Variants in SH3GL2 observed in about 807,000 individuals in gnomAD.
The protein encoded by SH3GL2 is SH3 domain containing GRB2 like 2, endophilin A1.
A neutral mutation model predicts 46.0 loss-of-function variants in SH3GL2; 24 were observed. That is an observed-to-expected ratio of 0.52 (90% CI 0.38 to 0.73). The LOEUF is 0.73. Ranked by LOEUF, SH3GL2 falls within the 30% of genes least tolerant of loss-of-function variation. SH3GL2 has a pLI of 0.00. For synonymous variants in SH3GL2, 196 were observed against 147.1 expected, an observed-to-expected ratio of 1.33 and a Z score of -2.40; for missense variants, 413 against 424.2, an observed-to-expected ratio of 0.97 and a Z score of 0.23.
In SH3GL2 at chr9:17,637,590, T is replaced by G. The variant is rs79155821; in HGVS notation, c.45+58303T>G. On this transcript the variant is annotated intron_variant, in intron 1 of 8. Coordinates refer to ENST00000380607, the MANE Select transcript of SH3GL2 (RefSeq NM_003026.5). ...GGAAATAGTGGCAACAACATTATCT[T>G]TGGACACACAAGTGTGGTTTGAATC... Among the ~76,000 whole-genome samples, 1,097 of 152,350 alleles carry G rather than the reference T, an allele frequency of 7.2e-3. 13 individuals are homozygous for G. The highest frequency in any genetic ancestry group is 0.025 in the African/African-American group (1,029 of 41,570).
chr9:17,750,220 C>A (rs904605479), intron 2 of SH3GL2, among the ~76,000 whole-genome samples: 1 of 151,838 alleles, frequency 6.6e-6, no homozygotes, highest in Non-Finnish European at 1.5e-5. Flanking sequence ...GCTCAGTGTT[C>A]CCAAGCAGAC....
intron 1 of SH3GL2, among the ~76,000 whole-genome samples, chr9:17,632,062 C>G (rs1314204580): frequency 6.6e-6 from 1 of 152,036 alleles, no homozygotes; most frequent in African/African-American, 2.4e-5. Context: ...CTTTCTTAAC[C>G]ACATAAAACA....
intron 1 of SH3GL2, among the ~76,000 whole-genome samples, chr9:17,653,513 G>A (rs1012497172): frequency 2.0e-5 from 3 of 152,074 alleles, no homozygotes; most frequent in Admixed American, 2.0e-4. Context: ...TATTGATGGT[G>A]CTTCTGCTCC....
intron 1 of SH3GL2, among the ~76,000 whole-genome samples, chr9:17,670,710 C>T (rs921563338): frequency 6.6e-6 from 1 of 152,188 alleles, no homozygotes; most frequent in African/African-American, 2.4e-5. Context: ...CATTTGCTTG[C>T]ACCTTTTCTG....
intron 1 of SH3GL2, among the ~76,000 whole-genome samples, chr9:17,660,952 A>C (rs1445235432): frequency 6.6e-6 from 1 of 152,178 alleles, no homozygotes; most frequent in South Asian, 2.1e-4. Flanking sequence ...ACTTGAGGCC[A>C]GGAGTTCGAG....
In SH3GL2 at chr9:17,753,411, G is replaced by A. The variant is rs547594316; in HGVS notation, c.114+6277G>A. Among the ~76,000 whole-genome samples, 15 of 152,160 alleles carry A rather than the reference G, an allele frequency of 9.9e-5. No individual in the cohort carries two copies. In the South Asian group the frequency reaches 3.1e-3, roughly 32 times the overall value. On this transcript the variant is annotated intron_variant, in intron 2 of 8. Transcript: ENST00000380607. ...TTATCTCATTGTGGTTTTGATTTGT[G>A]TTTCTGTAATGATCAGTGATGTTGA...
chr9:17,585,342 A>G (rs555854282), intron 1 of SH3GL2, among the ~76,000 whole-genome samples: 3 of 152,304 alleles, frequency 2.0e-5, no homozygotes, highest in South Asian at 4.2e-4. Context: ...TTAAGGCCAG[A>G]TAGGGGAGAT....
In SH3GL2 at chr9:17,582,692, C is replaced by G. The variant is rs193073847; in HGVS notation, c.45+3405C>G. On this transcript the variant is annotated intron_variant, in intron 1 of 8. Coordinates refer to ENST00000380607, the MANE Select transcript of SH3GL2 (RefSeq NM_003026.5). The stretch of plus-strand genomic sequence containing the variant: ...AGTACTACAAACTGAGTCGTTTCAA[C>G]GACAGAAATACATTGTTTCCCACTT... Among the ~76,000 whole-genome samples the G allele has an allele frequency of 2.3e-3, 344 of 152,282 alleles. 4 individuals carry two copies. Among genetic ancestry groups the G allele is most frequent in the Non-Finnish European group, 1.6e-3 (106 of 68,020 alleles).
rs376747848 is a variant in SH3GL2, at chr9:17,737,040, A to G, written c.46-10026A>G. ...TGCAGCCATAAAAAAGGATGAGTTC[A>G]TGTCCTTTGCGGGGACATAGCCGAA... On this transcript the variant is annotated intron_variant, in intron 1 of 8. Coordinates refer to ENST00000380607, the MANE Select transcript of SH3GL2 (RefSeq NM_003026.5). Among the ~76,000 whole-genome samples, 45 of 152,288 alleles carry G rather than the reference A, an allele frequency of 3.0e-4. 2 individuals carry two copies. The South Asian group carries it at 9.1e-3, about 31-fold the overall frequency.
intron 1 of SH3GL2, among the ~76,000 whole-genome samples, chr9:17,585,215 G>A (rs73418614): frequency 0.033 from 5,095 of 152,194 alleles, 182 homozygotes; most frequent in African/African-American, 0.09. Flanking sequence ...GAGAAGGGCA[G>A]GACACACTGA....
At chr9:17,648,384 G>A (rs1275788934) in intron 1 of SH3GL2, among the ~76,000 whole-genome samples, 4 of 152,192 alleles carry the variant, frequency 2.6e-5, no homozygotes, top group Non-Finnish European at 5.9e-5. Flanking sequence ...AGGTACATAG[G>A]AAGAGTAAAA....
In SH3GL2 at chr9:17,588,926, G is replaced by C. The variant is rs1818428760; in HGVS notation, c.45+9639G>C. On this transcript the variant is annotated intron_variant, in intron 1 of 8. Transcript: ENST00000380607. The stretch of plus-strand genomic sequence containing the variant: ...CCTCTGTGGTACACCTAAGAGAAAT[G>C]GAAGAAGGCAAGTGTAGCCTAGCTA... Among the ~76,000 whole-genome samples, 5 of 152,174 alleles carry C rather than the reference G, an allele frequency of 3.3e-5. No individual in the cohort carries two copies. The South Asian group carries it at 1.0e-3, about 32-fold the overall frequency.
chr9:17,791,028 A>C lies in SH3GL2; in HGVS notation c.625-203A>C, dbSNP rs542396287. Among the ~76,000 whole-genome samples the C allele has an allele frequency of 5.6e-4, 86 of 152,286 alleles. 1 individual carries two copies. Among genetic ancestry groups the C allele is most frequent in the African/African-American group, 1.5e-3 (63 of 41,552 alleles). ...TCATGGTACTGATACGCATGATTCT[A>C]AGCATAAGGATGCTTTCTTTTATCC... On this transcript the variant is annotated intron_variant, in intron 6 of 8. Transcript: ENST00000380607.
At chr9:17,774,972 C>G (rs1358160603) in intron 3 of SH3GL2, among the ~76,000 whole-genome samples, 1 of 152,068 alleles carries the variant, frequency 6.6e-6, no homozygotes, top group Non-Finnish European at 1.5e-5. Flanking sequence ...AATGATAGGT[C>G]TGTTCAGATT....
At chr9:17,707,782 G>A (rs111300940) in intron 1 of SH3GL2, among the ~76,000 whole-genome samples, 1,902 of 152,066 alleles carry the variant, frequency 0.013, 57 homozygotes, top group African/African-American at 0.043. Context: ...TTTAAAGCAC[G>A]GTCCCTTACA....
intron 1 of SH3GL2, among the ~76,000 whole-genome samples, chr9:17,605,706 A>G (rs1028380747): frequency 2.6e-5 from 4 of 152,200 alleles, no homozygotes; most frequent in African/African-American, 9.7e-5. Flanking sequence ...ATGTTTTCAG[A>G]TTTGTGAAAA....
intron 1 of SH3GL2, among the ~76,000 whole-genome samples, chr9:17,601,324 A>C (rs957181232): frequency 3.9e-5 from 6 of 152,072 alleles, no homozygotes; most frequent in Non-Finnish European, 5.9e-5. Flanking sequence ...CACAGGGCTT[A>C]ATGTTGAGAG....
chr9:17,697,334 C>G, intron 1 of SH3GL2, among the ~76,000 whole-genome samples: 1 of 151,822 alleles, frequency 6.6e-6, no homozygotes, highest in Non-Finnish European at 1.5e-5. Context: ...AGGGATTCTT[C>G]TGCCTCAGCC....
At chr9:17,667,605 T>C (rs1015140196) in intron 1 of SH3GL2, among the ~76,000 whole-genome samples, 1 of 152,240 alleles carries the variant, frequency 6.6e-6, no homozygotes, top group African/African-American at 2.4e-5. Flanking sequence ...CTATTAAGAA[T>C]GATGCTGTCA....
Sources: allele counts gnomAD v4.1 joint callset (sites outside exome capture counted in the v4.1 genomes callset), GRCh38; gene constraint gnomAD v4.1.1; transcripts MANE v1.5; gene names NCBI Gene and HGNC (gene_info 2026-07-23, HGNC 2026-07-21).